Variants in ARPP21 observed in about 807,000 individuals in gnomAD.
The protein encoded by ARPP21 is cAMP-regulated phosphoprotein 21.
In ARPP21, 69 loss-of-function variants were observed where a neutral mutation model predicts 113.2. That is an observed-to-expected ratio of 0.61 (90% CI 0.50 to 0.74). The LOEUF (loss-of-function observed/expected upper bound fraction) is 0.74. Ranked by LOEUF, ARPP21 falls within the 30% of genes least tolerant of loss-of-function variation. ARPP21 has a pLI of 0.00. For synonymous variants in ARPP21, 368 were observed against 375.5 expected, an observed-to-expected ratio of 0.98 and a Z score of 0.23; for missense variants, 1,070 against 1,037.4, an observed-to-expected ratio of 1.03 and a Z score of -0.43.
chr3:35,702,406 G>A (rs1052461114), intron 9 of ARPP21, among the ~76,000 whole-genome samples: 3 of 151,610 alleles, frequency 2.0e-5, no homozygotes, highest in African/African-American at 7.3e-5. Context: ...GAACTACTTT[G>A]TCAGGACAAA....
intron 1 of ARPP21, among the ~76,000 whole-genome samples, chr3:35,676,313 T>A (rs2077461407): frequency 6.6e-6 from 1 of 151,942 alleles, no homozygotes; most frequent in South Asian, 2.1e-4. Flanking sequence ...AATGTTGATC[T>A]TGGTTATGTT....
chr3:35,731,949 T>A (rs1210570360), intron 15 of ARPP21, among the ~76,000 whole-genome samples: 1 of 152,210 alleles, frequency 6.6e-6, no homozygotes, highest in Non-Finnish European at 1.5e-5. Context: ...GAGCCATACT[T>A]AGTTATTTTA....
intron 1 of ARPP21, among the ~76,000 whole-genome samples, chr3:35,663,382 T>C (rs1453330737): frequency 6.6e-6 from 1 of 152,218 alleles, no homozygotes; most frequent in Non-Finnish European, 1.5e-5. Flanking sequence ...AAGCCCAGTC[T>C]GGGCGCATAG....
At chr3:35,694,693 T>C (rs1049661508) in intron 9 of ARPP21, among the ~76,000 whole-genome samples, 1 of 150,808 alleles carries the variant, frequency 6.6e-6, no homozygotes, top group Admixed American at 6.6e-5. Flanking sequence ...TCAAGAAGAG[T>C]CCCTGGATTG....
At position 35,690,972 on chromosome 3, in the gene ARPP21, C is replaced by A. The variant is rs748736377; in HGVS notation, c.653C>A (p.Ser218Tyr). 3 of 1,610,616 alleles carry A rather than the reference C, an allele frequency of 1.9e-6. No individual in the cohort carries two copies. In the South Asian group the frequency reaches 3.3e-5, roughly 18 times the overall value. Residue 218 changes from serine (S) to tyrosine (Y), a missense_variant, in exon 9 of 21, where the codon TCT (serine) becomes TAT (tyrosine). Ser to Tyr is a moderately radical substitution (Grantham distance 144). Transcript: ENST00000684406. ...LDHNVDQTGK[S>Y]VIINKTSSTR... ...CACAATGTGGATCAAACAGGAAAATCTGTTATCATCAACAAGACCAGCAGC... is the reference window on the plus strand; with the variant it reads ...CACAATGTGGATCAAACAGGAAAATATGTTATCATCAACAAGACCAGCAGC...
intron 12 of ARPP21, among the ~76,000 whole-genome samples, chr3:35,717,069 C>T (rs2092509195): frequency 1.3e-5 from 2 of 151,976 alleles, no homozygotes; most frequent in Admixed American, 1.3e-4. Context: ...ATTCCCTCTG[C>T]TTCCTCTTTC....
At chr3:35,659,842 G>A (rs1190530609) in intron 1 of ARPP21, among the ~76,000 whole-genome samples, 7 of 152,192 alleles carry the variant, frequency 4.6e-5, no homozygotes, top group African/African-American at 1.7e-4. Context: ...GGGGCTTCCT[G>A]TTTTATACCA....
At chr3:35,656,384 G>A (rs1311358882) in intron 1 of ARPP21, among the ~76,000 whole-genome samples, 1 of 152,078 alleles carries the variant, frequency 6.6e-6, no homozygotes, top group Admixed American at 6.6e-5. Context: ...ATTTATAACA[G>A]CTTTATTTTA....
intron 15 of ARPP21, among the ~76,000 whole-genome samples, chr3:35,736,463 A>G (rs1404424595): frequency 6.6e-6 from 1 of 152,206 alleles, no homozygotes; most frequent in Admixed American, 6.5e-5. Context: ...AAACTATAAA[A>G]TACTCCTCAA....
chr3:35,793,278 G>A (rs2096783529), intron 20 of ARPP21, among the ~76,000 whole-genome samples: 1 of 152,106 alleles, frequency 6.6e-6, no homozygotes, highest in East Asian at 1.9e-4. Context: ...TCACTGTGGA[G>A]GACTCCAGGC....
At chr3:35,773,108 A>C (rs891531697) in intron 19 of ARPP21, among the ~76,000 whole-genome samples, 12 of 152,174 alleles carry the variant, frequency 7.9e-5, no homozygotes, top group African/African-American at 2.7e-4. Context: ...AAAGTATATC[A>C]TCTTAAGGAT....
chr3:35,651,118 A>C (rs1702194816), intron 1 of ARPP21, among the ~76,000 whole-genome samples: 1 of 152,244 alleles, frequency 6.6e-6, no homozygotes, highest in South Asian at 2.1e-4. Flanking sequence ...TGAAATTTAA[A>C]TGGTTCTGTA....
At chr3:35,662,078 T>A (rs1387867934) in intron 1 of ARPP21, among the ~76,000 whole-genome samples, 1 of 152,134 alleles carries the variant, frequency 6.6e-6, no homozygotes, top group Admixed American at 6.6e-5. Flanking sequence ...CTCTGAGAGT[T>A]AAAGGTCAAA....
rs769254812 is a variant in ARPP21, at chr3:35,743,958, G to A, written c.2130G>A (p.Gln710=). The A allele has an allele frequency of 1.9e-6, 3 of 1,614,078 alleles. No individual in the cohort carries two copies. The South Asian group carries it at 3.3e-5, about 18-fold the overall frequency. Residue 710 remains glutamine, a synonymous_variant, in exon 19 of 21, where the codon CAG becomes CAA. Transcript: ENST00000684406. ...GTCAACAGATGCCACAGGCAGCACA[G>A]CAAGCAGGTACTTGGAATCTGTTTC... ...QRSQQMPQAA[Q]QAGYQPVLSG...
chr3:35,694,703 G>A (rs2083302954), intron 9 of ARPP21, among the ~76,000 whole-genome samples: 1 of 150,744 alleles, frequency 6.6e-6, no homozygotes, highest in South Asian at 2.1e-4. Flanking sequence ...TCCCTGGATT[G>A]GCTAAAAATT....
intron 15 of ARPP21, among the ~76,000 whole-genome samples, chr3:35,736,158 C>A (rs564018397): frequency 6.6e-6 from 1 of 152,272 alleles, no homozygotes; most frequent in Admixed American, 6.5e-5. Flanking sequence ...CTTGGTCCCC[C>A]TGACTCCTAA....
chr3:35,733,860 A>G (rs2094165540), intron 15 of ARPP21, among the ~76,000 whole-genome samples: 1 of 152,136 alleles, frequency 6.6e-6, no homozygotes, highest in South Asian at 2.1e-4. Flanking sequence ...TTTCTGTGCA[A>G]TTATTTAGAA....
chr3:35,724,736 T>C (rs1307278071), intron 14 of ARPP21, among the ~76,000 whole-genome samples: 2 of 152,136 alleles, frequency 1.3e-5, no homozygotes, highest in African/African-American at 2.4e-5. Context: ...CATCCTGGAG[T>C]GTTTTTTGAT....
Position 35,667,852 on chromosome 3 carries a change from AGAAGAAG to A in ARPP21, c.-212-11934_-212-11928del, listed in dbSNP as rs1559547505. Among the ~76,000 whole-genome samples the A allele has an allele frequency of 7.0e-5, 8 of 113,886 alleles. No homozygotes were observed. The East Asian group carries it at 1.9e-3, about 27-fold the overall frequency. 74.7% of individuals were successfully genotyped at this position (113,886 alleles called of 152,430 possible). On this transcript the variant is annotated intron_variant, in intron 1 of 20. Coordinates refer to ENST00000684406, the MANE Select transcript of ARPP21 (RefSeq NM_001385562.1). Reference sequence around the variant, plus strand: ...GTACTTTTATTCTCAAAGAAGAAGAAGAAGAAGAAGAAGAAGAAGAAGAAGAAGAAGA... The same window carrying A: ...GTACTTTTATTCTCAAAGAAGAAGAAAAGAAGAAGAAGAAGAAGAAGAAGA...
Sources: gnomAD v4.1 joint callset for allele counts (sites outside exome capture counted in the v4.1 genomes callset) on GRCh38, gnomAD v4.1.1 for gene constraint, MANE v1.5 for transcripts, NCBI Gene and HGNC (gene_info 2026-07-23, HGNC 2026-07-21) for gene names.